Variants in CDH8 observed in about 807,000 individuals in gnomAD.
CDH8 encodes the protein cadherin-8.
A neutral mutation model predicts 68.1 loss-of-function variants in CDH8; 17 were observed. That is an observed-to-expected ratio of 0.25 (90% CI 0.17 to 0.37). The LOEUF (loss-of-function observed/expected upper bound fraction) is 0.37. Ranked by LOEUF, CDH8 falls within the 10% of genes least tolerant of loss-of-function variation. The pLI is 1.00. For missense variants in CDH8, 763 were observed against 999.3 expected, an observed-to-expected ratio of 0.76 and a Z score of 3.19; for synonymous variants, 372 against 365.1, an observed-to-expected ratio of 1.02 and a Z score of -0.21.
At chr16:61,978,561 T>C (rs1965479862) in intron 2 of CDH8, among the ~76,000 whole-genome samples, 1 of 152,110 alleles carries the variant, frequency 6.6e-6, no homozygotes, top group South Asian at 2.1e-4. Context: ...CATGGTAAAT[T>C]TAAGAGATTC....
At chr16:61,859,578 A>G (rs1963113839) in intron 3 of CDH8, among the ~76,000 whole-genome samples, 1 of 152,202 alleles carries the variant, frequency 6.6e-6, no homozygotes. Context: ...ACAGATTAGG[A>G]GACCAGACTT....
At chr16:61,741,135 A>G (rs1959861975) in intron 8 of CDH8, among the ~76,000 whole-genome samples, 1 of 152,080 alleles carries the variant, frequency 6.6e-6, no homozygotes, top group African/African-American at 2.4e-5. Context: ...CTCAATTTGC[A>G]ATGTCCTGAA....
chr16:61,684,290 C>T (rs892281156), intron 10 of CDH8, among the ~76,000 whole-genome samples: 1 of 151,836 alleles, frequency 6.6e-6, no homozygotes, highest in South Asian at 2.1e-4. Context: ...TATTGTAATA[C>T]GATGCTAAAG....
intron 10 of CDH8, among the ~76,000 whole-genome samples, chr16:61,669,310 A>G (rs991989930): frequency 6.6e-5 from 10 of 152,070 alleles, no homozygotes; most frequent in African/African-American, 2.4e-4. Context: ...AGCATCTGCT[A>G]TCTATAAGAC....
Position 62,024,475 on chromosome 16 carries a change from A to T in CDH8, c.-199-2873T>A, listed in dbSNP as rs73568762. ...AAATTTCATCTAAATTTAAATTCAT[A>T]ATAGACATTTTCATGGAAACCACCA... On this transcript the variant is annotated intron_variant, in intron 1 of 11. Transcript: ENST00000577390. Among the ~76,000 whole-genome samples, 1,330 of 152,256 alleles carry T rather than the reference A, an allele frequency of 8.7e-3. 18 individuals are homozygous for T. The highest frequency in any genetic ancestry group is 0.03 in the African/African-American group (1,237 of 41,552).
rs185273748 is a variant in CDH8, at chr16:61,824,504, G to A, written c.835+508C>T. 8.6e-5 allele frequency among the ~76,000 whole-genome samples: 13 copies of A among 151,944 alleles called. No homozygotes were observed. The East Asian group carries it at 1.4e-3, about 16-fold the overall frequency. On this transcript the variant is annotated intron_variant, in intron 5 of 11. Coordinates refer to ENST00000577390, the MANE Select transcript of CDH8 (RefSeq NM_001796.5). ...TTCATGTTGGCTGCCTAGAATGCAC[G>A]CTGTTGAAATTTCCAAGGCAGAGTA...
At chr16:61,749,466 G>A (rs1467554347) in intron 8 of CDH8, among the ~76,000 whole-genome samples, 7 of 152,008 alleles carry the variant, frequency 4.6e-5, no homozygotes, top group Non-Finnish European at 1.0e-4. Flanking sequence ...AAATATTACA[G>A]TTTAGAAAAC....
intron 10 of CDH8, among the ~76,000 whole-genome samples, chr16:61,702,905 T>C (rs1964460526): frequency 6.6e-6 from 1 of 152,116 alleles, no homozygotes; most frequent in African/African-American, 2.4e-5. Context: ...ATAATAATAG[T>C]CACCCTGAAT....
chr16:61,975,273 T>C lies in CDH8; in HGVS notation c.252+45879A>G, dbSNP rs116660462. 6.1e-3 allele frequency among the ~76,000 whole-genome samples: 923 copies of C among 152,136 alleles called. 8 individuals carry two copies. The highest frequency in any genetic ancestry group is 0.021 in the African/African-American group (863 of 41,522). On this transcript the variant is annotated intron_variant, in intron 2 of 11. Coordinates refer to ENST00000577390, the MANE Select transcript of CDH8 (RefSeq NM_001796.5). Reference sequence around the variant, plus strand: ...AAAAACCGAAAGAGAGAGAGAGAAATGTGAGCATCCTCCTGCCAAGAGAAA... The same window carrying C: ...AAAAACCGAAAGAGAGAGAGAGAAACGTGAGCATCCTCCTGCCAAGAGAAA...
At chr16:61,850,628 T>C (rs1326988295) in intron 4 of CDH8, among the ~76,000 whole-genome samples, 1 of 152,004 alleles carries the variant, frequency 6.6e-6, no homozygotes, top group Non-Finnish European at 1.5e-5. Context: ...ATTTAATTTC[T>C]CAATATCACC....
chr16:61,674,494 T>C (rs1307819482), intron 10 of CDH8, among the ~76,000 whole-genome samples: 1 of 149,324 alleles, frequency 6.7e-6, no homozygotes, highest in Non-Finnish European at 1.5e-5. Context: ...TTAGAACTGA[T>C]CTAAAATTCT....
intron 8 of CDH8, among the ~76,000 whole-genome samples, chr16:61,747,880 G>A (rs1198392311): frequency 6.6e-6 from 1 of 152,060 alleles, no homozygotes; most frequent in Non-Finnish European, 1.5e-5. Context: ...AGTTGTTTCT[G>A]GTGGTCTCCT....
intron 2 of CDH8, among the ~76,000 whole-genome samples, chr16:61,974,598 T>G (rs1567552587): frequency 6.6e-6 from 1 of 152,178 alleles, no homozygotes; most frequent in Non-Finnish European, 1.5e-5. Context: ...ATTGTAGATA[T>G]CCTTAGATTT....
chr16:62,012,526 A>G (rs761140955), intron 2 of CDH8, among the ~76,000 whole-genome samples: 2 of 152,198 alleles, frequency 1.3e-5, no homozygotes, highest in Non-Finnish European at 2.9e-5. Context: ...TTTGTTTTAC[A>G]TTAAGTAATG....
intron 8 of CDH8, among the ~76,000 whole-genome samples, chr16:61,768,577 G>A (rs559911137): frequency 6.6e-6 from 1 of 151,552 alleles, no homozygotes; most frequent in South Asian, 2.1e-4. Flanking sequence ...TCTTGAGAAG[G>A]CAACCTTATT....
intron 3 of CDH8, among the ~76,000 whole-genome samples, chr16:61,890,583 C>T (rs1963757956): frequency 6.6e-6 from 1 of 152,092 alleles, no homozygotes; most frequent in African/African-American, 2.4e-5. Flanking sequence ...TTACCTATGG[C>T]GGTGGGGTAA....
chr16:61,914,557 G>T (rs2143343178), intron 2 of CDH8, among the ~76,000 whole-genome samples: 1 of 152,040 alleles, frequency 6.6e-6, no homozygotes, highest in South Asian at 2.1e-4. Context: ...ATCCTTAAAA[G>T]AAGTTTTTCT....
At chr16:61,856,990 G>T (rs546688048) in intron 4 of CDH8, 129 bp downstream of exon 4, 3 of 1,054,012 alleles carry the variant, frequency 2.8e-6, no homozygotes, top group African/African-American at 3.2e-5. Context: ...ACCTCATGTC[G>T]CATATTCAAA....
chr16:61,862,135 TCACACACACA>T (rs3069990), intron 3 of CDH8, among the ~76,000 whole-genome samples: 182 of 146,324 alleles, frequency 1.2e-3, no homozygotes, highest in Non-Finnish European at 1.9e-3. Flanking sequence ...CAAACACCAC[TCACACACACA>T]CACACACACA....
Sources: gnomAD v4.1 joint callset for allele counts (sites outside exome capture counted in the v4.1 genomes callset) on GRCh38, gnomAD v4.1.1 for gene constraint, MANE v1.5 for transcripts, NCBI Gene and HGNC (gene_info 2026-07-23, HGNC 2026-07-21) for gene names.